LRBA: variants seen among roughly 807,000 people sequenced by gnomAD.
LRBA encodes the protein LPS responsive beige-like anchor protein.
LRBA carries 176 observed loss-of-function variants against 330.0 expected under a neutral mutation model. The observed-to-expected ratio is 0.53, with a 90% CI of 0.47 to 0.60. The LOEUF (loss-of-function observed/expected upper bound fraction) is 0.60. LRBA is among the 20% of genes least tolerant of loss of function. The pLI, the probability that LRBA is intolerant of heterozygous loss-of-function variation, is 0.00. For synonymous variants in LRBA, 1,230 were observed against 1,193.0 expected (o/e 1.03, Z -0.64); for missense variants, 3,259 against 3,444.8 (o/e 0.95, Z 1.35).
chr4:150,753,279 G>A lies in LRBA; in HGVS notation c.5645+8504C>T, dbSNP rs1243189992. ...TACCAATTAAAATAAACCCTATTAG[G>A]CAGGCATTTCTATTCTGACCATTGC... is the stretch of plus-strand genomic sequence containing the variant. On this transcript the variant is annotated intron_variant, in intron 35 of 56. Coordinates refer to ENST00000651943, the MANE Select transcript of LRBA (RefSeq NM_001364905.1). Among the ~76,000 whole-genome samples, 6 of 152,140 alleles carry A rather than the reference G, an allele frequency of 3.9e-5. No individual in the cohort carries two copies. In the East Asian group the frequency reaches 1.2e-3, roughly 29 times the overall value.
At chr4:150,906,792 G>A (rs1731384891) in intron 11 of LRBA, among the ~76,000 whole-genome samples, 1 of 151,944 alleles carries the variant, frequency 6.6e-6, no homozygotes, top group Admixed American at 6.6e-5. Context: ...GAAGCGTTAG[G>A]GGCCAAAAGG....
chr4:150,993,161 A>C (rs1257578552), intron 2 of LRBA, among the ~76,000 whole-genome samples: 1 of 152,204 alleles, frequency 6.6e-6, no homozygotes, highest in Non-Finnish European at 1.5e-5. Context: ...AAGTTTTAAA[A>C]AAGAAAACAT....
intron 36 of LRBA, among the ~76,000 whole-genome samples, chr4:150,685,887 G>A (rs1297120772): frequency 1.3e-5 from 2 of 152,040 alleles, no homozygotes; most frequent in Non-Finnish European, 2.9e-5. Flanking sequence ...CAATTTCAGG[G>A]AGGGACAAAG....
At position 150,908,267 on chromosome 4, in the gene LRBA, T is replaced by C. The variant is rs529428476; in HGVS notation, c.1493+67A>G. ...ACAACAAAACCTGAAAGGCAAAATA[T>C]TGTATAGCTCAACAGTGATGAAATT... is the stretch of plus-strand genomic sequence containing the variant. On this transcript the variant is annotated intron_variant, in intron 11 of 56. Coordinates refer to ENST00000651943, the MANE Select transcript of LRBA (RefSeq NM_001364905.1). The C allele has an allele frequency of 2.2e-5, 33 of 1,504,938 alleles. No homozygotes were observed. The East Asian group carries it at 3.8e-4, about 17-fold the overall frequency. 93.2% of individuals were successfully genotyped at this position (1,504,938 alleles called of 1,614,324 possible). A position where few individuals can be genotyped will look rare whatever the true frequency, so the allele number is the denominator to read the frequency against.
At chr4:150,447,330 T>C (rs6833357) in intron 44 of LRBA, among the ~76,000 whole-genome samples, 2,691 of 152,288 alleles carry the variant, frequency 0.018, 83 homozygotes, top group African/African-American at 0.06. Flanking sequence ...ACACAGTATA[T>C]AGATTTCTTT....
At chr4:150,532,526 G>GTTA (rs1398333795) in intron 40 of LRBA, among the ~76,000 whole-genome samples, 1 of 151,842 alleles carries the variant, frequency 6.6e-6, no homozygotes, top group African/African-American at 2.4e-5. Flanking sequence ...AATAGTATGT[G>GTTA]TTATATGATA....
At chr4:150,357,807 A>T (rs1233990984) in intron 47 of LRBA, among the ~76,000 whole-genome samples, 2 of 152,120 alleles carry the variant, frequency 1.3e-5, no homozygotes, top group Non-Finnish European at 2.9e-5. Context: ...ACAAAAGAGA[A>T]GTGAGGCAAT....
chr4:150,293,350 A>G (rs1320497420), intron 53 of LRBA, among the ~76,000 whole-genome samples: 1 of 152,232 alleles, frequency 6.6e-6, no homozygotes, highest in Admixed American at 6.5e-5. Flanking sequence ...TCCTAGTTTT[A>G]CAATGGAAAT....
At chr4:150,374,704 C>T (rs1209604866) in intron 47 of LRBA, among the ~76,000 whole-genome samples, 1 of 152,088 alleles carries the variant, frequency 6.6e-6, no homozygotes, top group Admixed American at 6.5e-5. Flanking sequence ...AAGTATAGTG[C>T]AAATATTCCA....
chr4:150,761,709 AAAT>A, intron 35 of LRBA, 71 bp downstream of exon 35: 1 of 913,706 alleles, frequency 1.1e-6, no homozygotes, highest in South Asian at 1.6e-5. Flanking sequence ...CAGAACCCAA[AAAT>A]ATCAATGCCT....
chr4:150,733,169 T>C (rs1454425792), intron 36 of LRBA, among the ~76,000 whole-genome samples: 1 of 152,030 alleles, frequency 6.6e-6, no homozygotes, highest in Non-Finnish European at 1.5e-5. Flanking sequence ...AAATGAACAT[T>C]TTTGTGACGT....
chr4:150,903,709 C>A (rs991202791), intron 13 of LRBA, among the ~76,000 whole-genome samples: 1 of 152,152 alleles, frequency 6.6e-6, no homozygotes, highest in Admixed American at 6.5e-5. Flanking sequence ...CTTAGTGACA[C>A]AGTGAGACCC....
rs190447932 is a variant in LRBA at position 150,730,648 on chromosome 4, A to G, written c.5754+4610T>C. ...CAGTGAGCCAAGATCGCATCACTGC[A>G]CTCCAGCCTGCGTGACAGAGTGAGG... On this transcript the variant is annotated intron_variant, in intron 36 of 56. Transcript: ENST00000651943. 1.6e-3 allele frequency among the ~76,000 whole-genome samples: 232 copies of G among 146,034 alleles called. 1 individual carries two copies. The highest frequency in any genetic ancestry group is 3.6e-3 in the Admixed American group (51 of 14,286).
At chr4:150,603,245 T>C (rs752027321) in intron 37 of LRBA, among the ~76,000 whole-genome samples, 2 of 152,174 alleles carry the variant, frequency 1.3e-5, no homozygotes, top group African/African-American at 2.4e-5. Context: ...TGGATGGCAC[T>C]GAAGTTAAAT....
At chr4:150,874,448 T>C (rs1465661531) in intron 17 of LRBA, among the ~76,000 whole-genome samples, 1 of 152,212 alleles carries the variant, frequency 6.6e-6, no homozygotes, top group East Asian at 1.9e-4. Context: ...GAGTCCCTGC[T>C]TTGGAGCCAG....
At chr4:150,892,894 G>GA (rs554383689) in intron 17 of LRBA, among the ~76,000 whole-genome samples, 158 bp downstream of exon 17, 26 of 151,700 alleles carry the variant, frequency 1.7e-4, no homozygotes, top group Middle Eastern at 3.4e-3. Context: ...AAGATTCATT[G>GA]AAAAAAAATG....
chr4:150,779,493 C>A (rs1391065707), intron 34 of LRBA, among the ~76,000 whole-genome samples: 1 of 151,628 alleles, frequency 6.6e-6, no homozygotes, highest in African/African-American at 2.4e-5. Context: ...TTTTAATATA[C>A]TTAAGTTGAT....
At chr4:150,345,293 T>G (rs1736133551) in intron 48 of LRBA, among the ~76,000 whole-genome samples, 1 of 152,188 alleles carries the variant, frequency 6.6e-6, no homozygotes. Flanking sequence ...TGATTCGGGT[T>G]TAGTAAAAGG....
chr4:150,800,762 CAGT>C (rs1296465572), intron 33 of LRBA, among the ~76,000 whole-genome samples: 5 of 152,164 alleles, frequency 3.3e-5, no homozygotes, highest in African/African-American at 1.2e-4. Context: ...CTAAAACTCT[CAGT>C]AGAATAGTAG....
Sources: gnomAD v4.1 joint callset for allele counts (sites outside exome capture counted in the v4.1 genomes callset) on GRCh38, gnomAD v4.1.1 for gene constraint, MANE v1.5 for transcripts, NCBI Gene and HGNC (gene_info 2026-07-23, HGNC 2026-07-21) for gene names.